Variants in VSIG4 observed in about 807,000 individuals in gnomAD.
VSIG4 encodes the protein V-set and immunoglobulin domain containing 4, also known as V-set and immunoglobulin domain-containing protein 4.
Under a neutral mutation model 23.4 loss-of-function variants are expected in VSIG4, and 34 were observed. That is an observed-to-expected ratio of 1.45 (90% CI 1.10 to 1.93). The LOEUF (loss-of-function observed/expected upper bound fraction) is 1.93. VSIG4 is among the 30% of genes most tolerant of loss of function. VSIG4 has a pLI of 0.00. For synonymous variants in VSIG4, 169 were observed against 120.3 expected, an observed-to-expected ratio of 1.41 and a Z score of -2.65; for missense variants, 433 against 310.8, an observed-to-expected ratio of 1.39 and a Z score of -2.96.
intron 7 of VSIG4, 26 bp from the exon 8 acceptor site, chrX:66,022,526 T>A (rs1363180527): frequency 8.3e-7 from 1 of 1,204,569 alleles, no homozygotes; most frequent in Admixed American, 2.2e-5. Context: ...CCACCACCCA[T>A]AAGAAGGGAC....
At position 66,022,472 on chromosome X, in the gene VSIG4, C is replaced by G. The variant is rs376443111; in HGVS notation, c.991G>C (p.Gly331Arg). 3 of 1,210,686 alleles carry G rather than the reference C, an allele frequency of 2.5e-6. No individual in the cohort carries two copies. In the African/African-American group the frequency reaches 5.2e-5, roughly 21 times the overall value. The change falls in exon 8 of 8, where the codon GGA becomes CGA. Residue 331 changes from glycine (G) to arginine (R), a missense_variant. By Grantham distance (125) the Gly-to-Arg change is moderately radical (BLOSUM62 -2). Coordinates refer to ENST00000374737, the MANE Select transcript of VSIG4 (RefSeq NM_007268.3). ...RAHAREANDS[G>R]ETMRVAIFAS... ...AAGATGGCCACCCTCATGGTTTCTC[C>G]AGAGTCGTTGGCCTCTCTGGCATGT...
At chrX:66,038,265 C>T (rs952081780) in intron 1 of VSIG4, among the ~76,000 whole-genome samples, 1 of 111,108 alleles carries the variant, frequency 9.0e-6, no homozygotes, top group African/African-American at 3.3e-5. Context: ...AGCTGAGAAA[C>T]CCCTTTAAGA....
At chrX:66,038,092 A>T (rs952635024) in intron 1 of VSIG4, among the ~76,000 whole-genome samples, 2 of 111,379 alleles carry the variant, frequency 1.8e-5, no homozygotes, top group African/African-American at 6.5e-5. Flanking sequence ...TGTTTATAAA[A>T]TGTTTCTGAA....
intron 6 of VSIG4, 60 bp from the exon 7 acceptor site, chrX:66,022,922 A>G: frequency 2.6e-6 from 3 of 1,146,693 alleles, no homozygotes; most frequent in Non-Finnish European, 3.6e-6. Context: ...AAGGTCAATC[A>G]TGGATCCTGG....
At chrX:66,038,117 T>C (rs2085640207) in intron 1 of VSIG4, among the ~76,000 whole-genome samples, 1 of 111,743 alleles carries the variant, frequency 8.9e-6, no homozygotes, top group Non-Finnish European at 1.9e-5. Flanking sequence ...TTAAAATGTA[T>C]ATAAAATGTG....
intron 3 of VSIG4, 100 bp from the exon 4 acceptor site, chrX:66,028,212 A>T: frequency 2.8e-6 from 2 of 707,231 alleles, no homozygotes; most frequent in Non-Finnish European, 2.2e-6. Context: ...ATTCAGGTCC[A>T]TACTTGGACC....
In VSIG4 at chrX:66,032,635, A is replaced by T; in HGVS notation, c.527T>A (p.Ile176Asn). The T allele has an allele frequency of 1.7e-6, 2 of 1,211,391 alleles. No homozygotes were observed. The highest frequency in any genetic ancestry group is 3.5e-5 in the South Asian group (2 of 56,964). Residue 176 changes from isoleucine (I) to asparagine (N), a missense_variant, in exon 3 of 8, where the codon ATT becomes AAT. Transcript: ENST00000374737. ...GTTATTAGTCTGTTGCTTATACCAA[A>T]TATAACTGATGGGAGGAGAACCCCG... ...QARGSPPISY[I>N]WYKQQTNNQE...
Position 66,021,796 on chromosome X carries a change from T to G in VSIG4, c.*467A>C, listed in dbSNP as rs185741172. The G allele has an allele frequency of 4.0e-6, 1 of 249,626 alleles. No individual in the cohort carries two copies. Among genetic ancestry groups the G allele is most frequent in the East Asian group, 1.0e-4 (1 of 9,756 alleles). The allele number at this position is 249,626 out of a possible 1,213,427, so 20.6% of individuals were successfully genotyped here. On this transcript the variant is annotated 3_prime_UTR_variant, in exon 8 of 8. Transcript: ENST00000374737. ...GGAGAGAGTCAGAACATTAGACTTATAGTGGAGGAGCAGAACTGAACCCTG... is the reference window on the plus strand; with the variant it reads ...GGAGAGAGTCAGAACATTAGACTTAGAGTGGAGGAGCAGAACTGAACCCTG...
At chrX:66,025,887 C>G (rs2085384450) in intron 5 of VSIG4, among the ~76,000 whole-genome samples, 1 of 112,292 alleles carries the variant, frequency 8.9e-6, no homozygotes, top group Non-Finnish European at 1.9e-5. Flanking sequence ...AATTCTTCTC[C>G]AAACCCTCCA....
intron 3 of VSIG4, among the ~76,000 whole-genome samples, chrX:66,030,855 C>A (rs1017018288): frequency 1.8e-5 from 2 of 111,424 alleles, no homozygotes; most frequent in Non-Finnish European, 3.8e-5. Context: ...CAAAGCTCAG[C>A]AGTCCAAGAA....
intron 3 of VSIG4, among the ~76,000 whole-genome samples, chrX:66,028,325 C>T (rs1350598027): frequency 1.8e-5 from 2 of 111,113 alleles, no homozygotes; most frequent in African/African-American, 3.3e-5. Context: ...TAATAGATCT[C>T]GAAGGAACCT....
At chrX:66,037,536 TA>T (rs1282813273) in intron 1 of VSIG4, among the ~76,000 whole-genome samples, 1 of 53,076 alleles carries the variant, frequency 1.9e-5, no homozygotes, top group Non-Finnish European at 3.1e-5. Context: ...AATATATTCA[TA>T]ATATATTATA....
chrX:66,033,915 G>A, intron 1 of VSIG4, 85 bp from the exon 2 acceptor site: 1 of 792,663 alleles, frequency 1.3e-6, no homozygotes, highest in South Asian at 2.6e-5. Context: ...ACCTCAAAAG[G>A]TTTCTGAGAA....
In VSIG4 at chrX:66,022,422, C is replaced by T; in HGVS notation, c.1041G>A (p.Glu347=). The part of the protein sequence containing the change: ...AIFASGCSSD[E]PTSQNLGNNY... ...TGTTGCCCAGATTCTGGGAAGTTGG[C>T]TCATCACTGGAGCAGCCACTTGCGA... Residue 347 remains glutamate, a synonymous_variant, in exon 8 of 8, where the codon GAG becomes GAA. Coordinates refer to ENST00000374737, the MANE Select transcript of VSIG4 (RefSeq NM_007268.3). The T allele has an allele frequency of 1.7e-6, 2 of 1,211,939 alleles. No homozygotes were observed. Among genetic ancestry groups the T allele is most frequent in the Admixed American group, 2.2e-5 (1 of 46,129 alleles).
chrX:66,024,296 A>C (rs887885870), intron 6 of VSIG4, among the ~76,000 whole-genome samples: 16 of 112,363 alleles, frequency 1.4e-4, no homozygotes, highest in Non-Finnish European at 2.6e-4. Context: ...TGCTTGAAAA[A>C]TTTGGTAAAT....
At chrX:66,030,956 G>A (rs770056037) in intron 3 of VSIG4, among the ~76,000 whole-genome samples, 1 of 110,956 alleles carries the variant, frequency 9.0e-6, no homozygotes, top group East Asian at 2.9e-4. Context: ...GAGTTCCGTA[G>A]GGCAGAGGTG....
Position 66,023,880 on chromosome X carries a change from G to T in VSIG4, c.941-1018C>A, listed in dbSNP as rs138478241. 7.2e-3 allele frequency among the ~76,000 whole-genome samples: 809 copies of T among 112,296 alleles called. 8 individuals carry two copies. The highest frequency in any genetic ancestry group is 0.024 in the African/African-American group (734 of 30,879). ...TTTGAGAGAGAAACAATTTAATGTG[G>T]TTACCGCTTATGCCCAGCCTCATCA... is the stretch of plus-strand genomic sequence containing the variant. On this transcript the variant is annotated intron_variant, in intron 6 of 7. Coordinates refer to ENST00000374737, the MANE Select transcript of VSIG4 (RefSeq NM_007268.3).
intron 1 of VSIG4, among the ~76,000 whole-genome samples, chrX:66,036,749 T>TATATA (rs1461264125): frequency 2.4e-3 from 107 of 44,327 alleles, no homozygotes; most frequent in African/African-American, 7.3e-3. Context: ...ATATTAATAA[T>TATATA]ATATAATATA....
At chrX:66,036,277 T>C (rs2085538875) in intron 1 of VSIG4, among the ~76,000 whole-genome samples, 1 of 109,800 alleles carries the variant, frequency 9.1e-6, no homozygotes, top group African/African-American at 3.3e-5. Context: ...GAGACTGGAT[T>C]ATAGGTACAG....
Sources: allele counts gnomAD v4.1 joint callset (sites outside exome capture counted in the v4.1 genomes callset), GRCh38; gene constraint gnomAD v4.1.1; transcripts MANE v1.5; gene names NCBI Gene and HGNC (gene_info 2026-07-23, HGNC 2026-07-21).